PALLD: variants seen among roughly 807,000 people sequenced by gnomAD.
PALLD encodes the protein palladin.
A neutral mutation model predicts 123.5 loss-of-function variants in PALLD; 61 were observed. That is an observed-to-expected ratio of 0.49 (90% CI 0.40 to 0.61). The LOEUF is 0.61. Among genes scored for constraint, PALLD ranks in the 20% least tolerant of loss-of-function variants. The pLI, the probability that PALLD is intolerant of heterozygous loss-of-function variation, is 0.00. For missense variants in PALLD, 1,273 were observed against 1,377.0 expected (o/e 0.92, Z 1.20); for synonymous variants, 465 against 496.4 (o/e 0.94, Z 0.84).
intron 10 of PALLD, among the ~76,000 whole-genome samples, chr4:168,772,925 G>A (rs1734646495): frequency 6.6e-6 from 1 of 152,234 alleles, no homozygotes; most frequent in South Asian, 2.1e-4. Context: ...TCAGAAAGAC[G>A]GCTGCTCATG....
At chr4:168,859,102 C>T (rs1185898144) in intron 10 of PALLD, among the ~76,000 whole-genome samples, 3 of 152,296 alleles carry the variant, frequency 2.0e-5, no homozygotes, top group Admixed American at 6.5e-5. Flanking sequence ...CTCTTGTCAA[C>T]GTGTTACAAC....
intron 10 of PALLD, among the ~76,000 whole-genome samples, chr4:168,848,402 A>C (rs767101672): frequency 6.6e-6 from 1 of 152,194 alleles, no homozygotes. Flanking sequence ...GCCATTGTTC[A>C]GTGCCTGTCA....
chr4:168,712,441 C>T (rs991286181), intron 10 of PALLD, among the ~76,000 whole-genome samples: 8 of 152,142 alleles, frequency 5.3e-5, no homozygotes, highest in Admixed American at 5.2e-4. Flanking sequence ...AAGAAGAGCG[C>T]CCTTCACAAC....
rs201432469 is a variant in PALLD at position 168,874,701 on chromosome 4, C to T, written c.1965-16221C>T. On this transcript the variant is annotated intron_variant, in intron 10 of 21. Coordinates refer to ENST00000505667, the MANE Select transcript of PALLD (RefSeq NM_001166108.2). ...TCAGGGTCCTTTTATGTGTTACATG[C>T]CTGAAGTAGTGTAAAGAGCAGGGAC... Among the ~76,000 whole-genome samples, 8 of 151,538 alleles carry T rather than the reference C, an allele frequency of 5.3e-5. No individual in the cohort carries two copies. In the East Asian group the frequency reaches 1.4e-3, roughly 26 times the overall value.
chr4:168,911,167 A>G (rs928409541), intron 15 of PALLD, among the ~76,000 whole-genome samples: 2 of 152,214 alleles, frequency 1.3e-5, no homozygotes, highest in Admixed American at 1.3e-4. Context: ...AAAGAAACAA[A>G]GGCTTGAACA....
chr4:168,577,129 G>A (rs1769698218), intron 2 of PALLD, among the ~76,000 whole-genome samples: 1 of 152,106 alleles, frequency 6.6e-6, no homozygotes. Context: ...AACAGAAAAA[G>A]GAAAATGATG....
chr4:168,620,230 G>C (rs1774625018), intron 2 of PALLD, among the ~76,000 whole-genome samples: 1 of 152,224 alleles, frequency 6.6e-6, no homozygotes, highest in Non-Finnish European at 1.5e-5. Context: ...GCCAAGGCAG[G>C]TGGATCACGA....
intron 10 of PALLD, among the ~76,000 whole-genome samples, chr4:168,723,891 C>CTTTT (rs59055427): frequency 1.4e-4 from 16 of 111,744 alleles, no homozygotes; most frequent in African/African-American, 2.5e-4. Flanking sequence ...TTGAGTTGGG[C>CTTTT]TTTTTTTTTT....
At chr4:168,791,220 A>C (rs1737476327) in intron 10 of PALLD, among the ~76,000 whole-genome samples, 2 of 152,286 alleles carry the variant, frequency 1.3e-5, no homozygotes, top group African/African-American at 2.4e-5. Flanking sequence ...GGAATGCCCT[A>C]ATCACATGTC....
intron 10 of PALLD, among the ~76,000 whole-genome samples, chr4:168,817,363 G>A (rs1390058275): frequency 6.6e-6 from 1 of 152,134 alleles, no homozygotes. Flanking sequence ...GAAATATCTG[G>A]AAACCCATTT....
At chr4:168,542,222 T>C (rs1765684033) in intron 2 of PALLD, among the ~76,000 whole-genome samples, 1 of 152,058 alleles carries the variant, frequency 6.6e-6, no homozygotes, top group South Asian at 2.1e-4. Context: ...CCTGAGCAGT[T>C]TGTCTCTGGG....
chr4:168,892,986 A>G (rs1411749166), intron 11 of PALLD, among the ~76,000 whole-genome samples: 1 of 152,178 alleles, frequency 6.6e-6, no homozygotes, highest in African/African-American at 2.4e-5. Context: ...ATTATATATC[A>G]TTCTCTTTCT....
chr4:168,595,813 C>T (rs1302085245), intron 2 of PALLD, among the ~76,000 whole-genome samples: 1 of 151,944 alleles, frequency 6.6e-6, no homozygotes, highest in East Asian at 1.9e-4. Context: ...GAAAAACTAC[C>T]TATCAGGTAC....
At chr4:168,610,956 A>C (rs1341987473) in intron 2 of PALLD, among the ~76,000 whole-genome samples, 1 of 152,186 alleles carries the variant, frequency 6.6e-6, no homozygotes, top group Non-Finnish European at 1.5e-5. Flanking sequence ...AATCTTGTGC[A>C]GTCACAGGTA....
intron 10 of PALLD, among the ~76,000 whole-genome samples, chr4:168,884,635 T>C (rs541755756): frequency 6.6e-6 from 1 of 152,370 alleles, no homozygotes; most frequent in South Asian, 2.1e-4. Context: ...ACAATTTTTC[T>C]AACTATTGTG....
intron 10 of PALLD, among the ~76,000 whole-genome samples, chr4:168,789,403 A>C (rs1435223286): frequency 6.6e-6 from 1 of 152,206 alleles, no homozygotes; most frequent in East Asian, 1.9e-4. Context: ...GTTCTAATGC[A>C]GTATATAGAA....
chr4:168,549,519 A>T (rs1271735671), intron 2 of PALLD, among the ~76,000 whole-genome samples: 1 of 152,086 alleles, frequency 6.6e-6, no homozygotes, highest in Non-Finnish European at 1.5e-5. Context: ...TCCATCCTTT[A>T]TTTCTACGGA....
chr4:168,581,795 G>C (rs535716527), intron 2 of PALLD, among the ~76,000 whole-genome samples: 3 of 149,664 alleles, frequency 2.0e-5, no homozygotes, highest in Non-Finnish European at 4.5e-5. Context: ...TTTTACTTTT[G>C]TTGCCTATGT....
Position 168,783,890 on chromosome 4 carries a change from C to A in PALLD, c.1964+71967C>A, listed in dbSNP as rs1296967884. Among the ~76,000 whole-genome samples, 3 of 152,158 alleles carry A rather than the reference C, an allele frequency of 2.0e-5. No individual in the cohort carries two copies. The East Asian group carries it at 5.8e-4, about 29-fold the overall frequency. On this transcript the variant is annotated intron_variant, in intron 10 of 21. Transcript: ENST00000505667. ...TTCAGGACAATAGCCAAACTCCCAA[C>A]TAGGCTTTCATAATTGTCCCCTGAT...
Sources: allele counts gnomAD v4.1 joint callset (sites outside exome capture counted in the v4.1 genomes callset), GRCh38; gene constraint gnomAD v4.1.1; transcripts MANE v1.5; gene names NCBI Gene and HGNC (gene_info 2026-07-23, HGNC 2026-07-21).